DNM2: variants seen among roughly 807,000 people sequenced by gnomAD.
DNM2 encodes dynamin 2, also known as dynamin-2.
A neutral mutation model predicts 99.0 loss-of-function variants in DNM2; 15 were observed. The observed-to-expected ratio is 0.15, with a 90% CI of 0.10 to 0.23. The LOEUF is 0.23. Among genes scored for constraint, DNM2 ranks in the 10% least tolerant of loss-of-function variants. The pLI is 1.00. For missense variants in DNM2, 742 were observed against 1,189.4 expected (o/e 0.62, Z 5.53); for synonymous variants, 525 against 481.2 (o/e 1.09, Z -1.19).
chr19:10,732,318 A>AG (rs2069354070), intron 1 of DNM2, among the ~76,000 whole-genome samples: 1 of 144,012 alleles, frequency 6.9e-6, no homozygotes, highest in Admixed American at 6.8e-5. Flanking sequence ...AAAAAAAAAA[A>AG]CAGGCCGGGC....
At chr19:10,784,819 A>ATTTTTTTT (rs35575438) in intron 6 of DNM2, among the ~76,000 whole-genome samples, 23 of 99,440 alleles carry the variant, frequency 2.3e-4, no homozygotes, top group Non-Finnish European at 3.0e-4. Context: ...TTTTTTGATG[A>ATTTTTTTT]TTTTTTTTTT....
At chr19:10,749,224 T>G (rs1280329486) in intron 1 of DNM2, among the ~76,000 whole-genome samples, 1 of 152,168 alleles carries the variant, frequency 6.6e-6, no homozygotes, top group Non-Finnish European at 1.5e-5. Flanking sequence ...CCTGCATCGT[T>G]CCTGCACGTA....
chr19:10,805,972 C>T lies in DNM2; in HGVS notation c.1545+5C>T. The T allele has an allele frequency of 6.2e-7, 1 of 1,614,192 alleles. No homozygotes were observed. ...AAGAGAGCCATCCCCAATCAGGTAGCACACCCCTCTGCAGTCTCCCGCTCT... is the reference window on the plus strand; with the variant it reads ...AAGAGAGCCATCCCCAATCAGGTAGTACACCCCTCTGCAGTCTCCCGCTCT... On this transcript the variant is annotated splice_donor_5th_base_variant and intron_variant, in intron 13 of 20. Transcript: ENST00000389253.
Position 10,786,647 on chromosome 19 carries a change from G to A in DNM2, c.933G>A (p.Val311=). The change falls in exon 7 of 21, where the codon GTG becomes GTA. Residue 311 remains valine (V), a synonymous_variant. Transcript: ENST00000389253. ...QSQLLSLEKE[V]EEYKNFRPDD... Reference sequence around the variant, plus strand: ...AGCTGCTGTCCCTGGAGAAGGAGGTGGAGGAGTACAAGAACTTTCGGCCCG... The same window carrying A: ...AGCTGCTGTCCCTGGAGAAGGAGGTAGAGGAGTACAAGAACTTTCGGCCCG... 6.2e-7 allele frequency: 1 copy of A among 1,614,164 alleles called. No individual in the cohort carries two copies. The highest frequency in any genetic ancestry group is 1.3e-5 in the African/African-American group (1 of 75,028).
chr19:10,812,417 G>A lies in DNM2; in HGVS notation c.1671+40G>A. 6.5e-7 allele frequency: 1 copy of A among 1,536,956 alleles called. No individual in the cohort carries two copies. The highest frequency in any genetic ancestry group is 2.4e-5 in the East Asian group (1 of 42,146). On this transcript the variant is annotated intron_variant, in intron 15 of 20. Transcript: ENST00000389253. This position sits in a 1 kb window ranked among gnomAD's most constrained non-coding sequence, Gnocchi z 4.0. ...GGAGCAGGGCTGCTGGGGTAGGTGG[G>A]GCAGCCAGGGAAGAGCGGGTGGGCG... is the stretch of plus-strand genomic sequence containing the variant.
chr19:10,802,329 G>A lies in DNM2; in HGVS notation c.1464G>A (p.Thr488=), dbSNP rs780514532. 6.2e-6 allele frequency: 10 copies of A among 1,614,004 alleles called. No individual in the cohort carries two copies. The highest frequency in any genetic ancestry group is 1.7e-5 in the Admixed American group (1 of 59,990). ...LIDIEQSYIN[T]NHEDFIGFAN... is the part of the protein sequence containing the mutation. ...ACATTGAGCAGTCCTACATCAACACGAACCATGAGGACTTCATCGGGTTTG... is the reference window on the plus strand; with the variant it reads ...ACATTGAGCAGTCCTACATCAACACAAACCATGAGGACTTCATCGGGTTTG... The change falls in exon 12 of 21, where the codon ACG becomes ACA. Residue 488 remains threonine (T), a synonymous_variant. Coordinates refer to ENST00000389253, the MANE Select transcript of DNM2 (RefSeq NM_001005361.3).
intron 1 of DNM2, among the ~76,000 whole-genome samples, chr19:10,725,957 A>C (rs115572986): frequency 0.015 from 2,315 of 152,196 alleles, 22 homozygotes; most frequent in Middle Eastern, 0.027. Context: ...GCGATGGCTC[A>C]CACTTGTATT....
chr19:10,756,890 TCA>T (rs2145838903), intron 1 of DNM2, among the ~76,000 whole-genome samples: 1 of 152,156 alleles, frequency 6.6e-6, no homozygotes, highest in Admixed American at 6.5e-5. Context: ...CTGATGTCAC[TCA>T]CATGAACCAC....
chr19:10,813,552 G>A (rs182473249), intron 15 of DNM2, among the ~76,000 whole-genome samples: 386 of 152,136 alleles, frequency 2.5e-3, no homozygotes, highest in Non-Finnish European at 3.6e-3. Flanking sequence ...GGCTGGGCAC[G>A]GTGCCTCAGG....
chr19:10,748,910 G>A (rs888658991), intron 1 of DNM2, among the ~76,000 whole-genome samples: 4 of 152,242 alleles, frequency 2.6e-5, no homozygotes, highest in African/African-American at 9.6e-5. Context: ...AGGCCAGGGT[G>A]GAAATTGGCC....
At chr19:10,792,362 C>T (rs2071781869) in intron 7 of DNM2, among the ~76,000 whole-genome samples, 1 of 152,138 alleles carries the variant, frequency 6.6e-6, no homozygotes, top group Admixed American at 6.6e-5. Context: ...TTCAGTAGAT[C>T]ATGATTTTTG....
chr19:10,757,324 C>G (rs75720979), intron 1 of DNM2, among the ~76,000 whole-genome samples: 3 of 152,314 alleles, frequency 2.0e-5, no homozygotes, highest in Non-Finnish European at 4.4e-5. Flanking sequence ...CCCCGGCTGA[C>G]GGGCTAGAAC....
intron 6 of DNM2, 89 bp downstream of exon 6, chr19:10,783,209 A>G (rs1417101207): frequency 2.5e-6 from 4 of 1,576,210 alleles, no homozygotes; most frequent in Non-Finnish European, 3.4e-6. Context: ...GTTTCAGGCT[A>G]GAGCAGCACT....
At chr19:10,739,225 G>T (rs2069648722) in intron 1 of DNM2, among the ~76,000 whole-genome samples, 1 of 152,198 alleles carries the variant, frequency 6.6e-6, no homozygotes, top group Non-Finnish European at 1.5e-5. Flanking sequence ...CTTCTATGGG[G>T]ACATGGGGAA....
intron 7 of DNM2, among the ~76,000 whole-genome samples, chr19:10,792,013 G>A (rs962037600): frequency 6.6e-6 from 1 of 152,130 alleles, no homozygotes; most frequent in Non-Finnish European, 1.5e-5. Context: ...ACTTGAACCC[G>A]GCAGGCGGAG....
intron 1 of DNM2, among the ~76,000 whole-genome samples, chr19:10,748,140 G>T (rs1456919299): frequency 6.6e-6 from 1 of 152,146 alleles, no homozygotes; most frequent in African/African-American, 2.4e-5. Flanking sequence ...AAGTGAAGCG[G>T]GAGCCCAAGG....
intron 13 of DNM2, among the ~76,000 whole-genome samples, chr19:10,807,719 C>A (rs1205388085): frequency 7.5e-6 from 1 of 132,874 alleles, no homozygotes; most frequent in Non-Finnish European, 1.6e-5. Flanking sequence ...TGACTAATTT[C>A]TGTATTTTTA....
chr19:10,829,111 TCGGCTGA>T lies in DNM2; in HGVS notation c.2136_2142del (p.Ala713ArgfsTer70). The T allele has an allele frequency of 6.2e-7, 1 of 1,613,366 alleles. No homozygotes were observed. Among genetic ancestry groups the T allele is most frequent in the Non-Finnish European group, 8.5e-7 (1 of 1,179,864 alleles). ...AGACCAGAGCAGCCTCATGGAGGAGTCGGCTGACCAGGCACAGCGGCGGGACGACATG... is the reference window on the plus strand; with the variant it reads ...AGACCAGAGCAGCCTCATGGAGGAGTCCAGGCACAGCGGCGGGACGACATG... On this transcript the variant is annotated frameshift_variant, in exon 19 of 21. Coordinates refer to ENST00000389253, the MANE Select transcript of DNM2 (RefSeq NM_001005361.3). LOFTEE classifies it high-confidence loss of function.
chr19:10,751,666 C>G (rs2070199773), intron 1 of DNM2, among the ~76,000 whole-genome samples: 1 of 152,234 alleles, frequency 6.6e-6, no homozygotes, highest in African/African-American at 2.4e-5. Context: ...CTTTTAGAAG[C>G]AAAATCGGAT....
Sources: allele counts gnomAD v4.1 joint callset (sites outside exome capture counted in the v4.1 genomes callset), GRCh38; gene constraint gnomAD v4.1.1; non-coding constraint Gnocchi (gnomAD v3.1); transcripts MANE v1.5; gene names NCBI Gene and HGNC (gene_info 2026-07-23, HGNC 2026-07-21).